The following CCDC61 variants were observed in gnomAD, a reference collection of about 807,000 sequenced individuals.
The protein encoded by CCDC61 is centrosomal protein CCDC61.
In CCDC61, 55 loss-of-function variants were observed where a neutral mutation model predicts 63.0. The observed-to-expected ratio is 0.87, with a 90% CI of 0.70 to 1.09. CCDC61 has a LOEUF of 1.09. Among genes scored for constraint, CCDC61 ranks in the 50% least tolerant of loss-of-function variants. The pLI is 0.00. For missense variants in CCDC61, 651 were observed against 731.4 expected, an observed-to-expected ratio of 0.89 and a Z score of 1.27; for synonymous variants, 270 against 317.0, an observed-to-expected ratio of 0.85 and a Z score of 1.58.
At chr19:46,009,855 GTC>G (rs1968793354) in intron 5 of CCDC61, among the ~76,000 whole-genome samples, 1 of 150,238 alleles carries the variant, frequency 6.7e-6, no homozygotes, top group Non-Finnish European at 1.5e-5. Flanking sequence ...CGTTTGCTCT[GTC>G]TCAGGCTGTG....
In CCDC61 at chr19:46,016,619, C is replaced by T. The variant is rs1377454749; in HGVS notation, c.1092-75C>T. ...CAGGCTTTCGCTGGCGTGGCTGTGACCTTTAGGGGCGCAGTGACCCCCTTG... is the reference window on the plus strand; with the variant it reads ...CAGGCTTTCGCTGGCGTGGCTGTGATCTTTAGGGGCGCAGTGACCCCCTTG... On this transcript the variant is annotated intron_variant, in intron 9 of 13. Coordinates refer to ENST00000595358, the MANE Select transcript of CCDC61 (RefSeq NM_001267723.2). This position sits in a 1 kb window ranked among gnomAD's most constrained non-coding sequence, Gnocchi z 7.2. 1.3e-6 allele frequency: 2 copies of T among 1,579,914 alleles called. No individual in the cohort carries two copies. Among genetic ancestry groups the T allele is most frequent in the African/African-American group, 1.3e-5 (1 of 74,208 alleles).
chr19:46,004,842 T>C (rs980497233), intron 3 of CCDC61, among the ~76,000 whole-genome samples: 3 of 141,596 alleles, frequency 2.1e-5, no homozygotes, highest in Non-Finnish European at 4.6e-5. Context: ...TATCTTTTTT[T>C]TTTTTTTTTT....
chr19:46,004,352 T>TG (rs1396401173), intron 3 of CCDC61, among the ~76,000 whole-genome samples: 1 of 152,212 alleles, frequency 6.6e-6, no homozygotes, highest in Non-Finnish European at 1.5e-5. Context: ...TCAGTCATTG[T>TG]GGGGGACACT....
chr19:46,018,188 G>A lies in CCDC61; in HGVS notation c.1441+38G>A. The A allele has an allele frequency of 6.3e-7, 1 of 1,575,408 alleles. No individual in the cohort carries two copies. The highest frequency in any genetic ancestry group is 8.6e-7 in the Non-Finnish European group (1 of 1,159,848). ...CTCCACATCCCCTCTCCCAGCCCCA[G>A]GACCCGTTGGAATGGTAGTGCGGGC... On this transcript the variant is annotated intron_variant, in intron 13 of 13. Coordinates refer to ENST00000595358, the MANE Select transcript of CCDC61 (RefSeq NM_001267723.2). The surrounding 1 kb of genome is among the most constrained non-coding windows in gnomAD (Gnocchi z 4.2).
At chr19:45,999,111 C>T (rs777963081) in intron 1 of CCDC61, among the ~76,000 whole-genome samples, 2 of 152,096 alleles carry the variant, frequency 1.3e-5, no homozygotes, top group African/African-American at 2.4e-5. Flanking sequence ...TAGGGTGAGT[C>T]ATTCATTGGG....
chr19:46,016,662 T>C lies in CCDC61; in HGVS notation c.1092-32T>C, dbSNP rs1193781550. ...CCCCCTTGCCTGCAGGAGTTGGGCG[T>C]ACAGACCGGCGTCTCCTTTCTTTTT... On this transcript the variant is annotated intron_variant, in intron 9 of 13. Transcript: ENST00000595358. This position sits in a 1 kb window ranked among gnomAD's most constrained non-coding sequence, Gnocchi z 7.2. The C allele has an allele frequency of 6.2e-7, 1 of 1,609,884 alleles. No individual in the cohort carries two copies. Among genetic ancestry groups the C allele is most frequent in the Non-Finnish European group, 8.5e-7 (1 of 1,178,512 alleles).
intron 5 of CCDC61, 102 bp from the exon 6 acceptor site, chr19:46,014,947 C>A: frequency 2.9e-6 from 3 of 1,024,692 alleles, no homozygotes; most frequent in South Asian, 1.5e-5. Context: ...GAGCCGTGTA[C>A]CCCCTTCCGG....
chr19:45,996,314 C>T (rs1762846613), intron 1 of CCDC61: 1 of 152,278 alleles, frequency 6.6e-6, no homozygotes, highest in Non-Finnish European at 1.5e-5. Context: ...GTTCATCTGA[C>T]ATTCAGACAT....
rs765765329 is a variant in CCDC61, at chr19:46,018,227, G to A, written c.1442-63G>A. 2.6e-6 allele frequency: 4 copies of A among 1,542,794 alleles called. No homozygotes were observed. The South Asian group carries it at 3.6e-5, about 14-fold the overall frequency. ...GGTAGTGCGGGCAGTGGTATATTGG[G>A]CCCAGGAACTCCCTGGGGCTTCAGG... is the stretch of plus-strand genomic sequence containing the variant. On this transcript the variant is annotated intron_variant, in intron 13 of 13. Transcript: ENST00000595358. The surrounding 1 kb of genome is among the most constrained non-coding windows in gnomAD (Gnocchi z 4.2).
At position 46,016,509 on chromosome 19, in the gene CCDC61, C is replaced by T; in HGVS notation, c.1091+116C>T. The T allele has an allele frequency of 2.1e-6, 3 of 1,399,940 alleles. No homozygotes were observed. Among genetic ancestry groups the T allele is most frequent in the South Asian group, 1.3e-5 (1 of 79,424 alleles). 86.7% of individuals were successfully genotyped at this position (1,399,940 alleles called of 1,614,324 possible). On this transcript the variant is annotated intron_variant, in intron 9 of 13. Transcript: ENST00000595358. This position sits in a 1 kb window ranked among gnomAD's most constrained non-coding sequence, Gnocchi z 7.2. The stretch of plus-strand genomic sequence containing the variant: ...CCCCTGCCACCTGCTCGCTTCTCGC[C>T]GGATACCCCGCCTGCTCTCCCTTCC...
chr19:46,006,208 A>T (rs996398788), intron 3 of CCDC61, among the ~76,000 whole-genome samples: 1 of 152,214 alleles, frequency 6.6e-6, no homozygotes, highest in African/African-American at 2.4e-5. Flanking sequence ...GCACATGTCA[A>T]CACAGTGAAA....
chr19:45,995,534 G>T (rs769914660), intron 1 of CCDC61, 30 bp downstream of exon 1: 4 of 502,278 alleles, frequency 8.0e-6, no homozygotes, highest in Non-Finnish European at 1.6e-5. Context: ...GCGGTTGCGC[G>T]GGCCGTGGTG....
chr19:46,015,348 G>C lies in CCDC61; in HGVS notation c.766G>C (p.Glu256Gln), dbSNP rs1188008067. The stretch of plus-strand genomic sequence containing the variant: ...CGCCCCTCTCCCCTCCCGGCAGCTC[G>C]AGGAGGCGAAGGCATCGGAGCGGAG... ...QDCRRLAKEL[E>Q]EAKASERSLR... is the part of the protein sequence containing the mutation. The change falls in exon 7 of 14, where the codon GAG becomes CAG. Residue 256 changes from glutamate (E) to glutamine (Q), a missense_variant. Transcript: ENST00000595358. This position sits in a 1 kb window ranked among gnomAD's most constrained non-coding sequence, Gnocchi z 5.3. 9.4e-6 allele frequency: 15 copies of C among 1,600,776 alleles called. No individual in the cohort carries two copies. The highest frequency in any genetic ancestry group is 1.3e-5 in the African/African-American group (1 of 74,750).
chr19:46,013,585 A>G (rs1226966568), intron 5 of CCDC61, among the ~76,000 whole-genome samples: 2 of 152,076 alleles, frequency 1.3e-5, no homozygotes, highest in Non-Finnish European at 2.9e-5. Flanking sequence ...TAACATTTCC[A>G]GGGCCGGGTG....
At chr19:46,010,906 G>A (rs577233484) in intron 5 of CCDC61, among the ~76,000 whole-genome samples, 1 of 152,194 alleles carries the variant, frequency 6.6e-6, no homozygotes, top group Admixed American at 6.5e-5. Flanking sequence ...AAAATTCCAG[G>A]ATGTCATCTG....
intron 1 of CCDC61, 90 bp downstream of exon 1, chr19:45,995,594 C>A (rs2146445751): frequency 7.5e-6 from 3 of 399,452 alleles, no homozygotes; most frequent in South Asian, 5.3e-5. Context: ...GAGTGGGCTG[C>A]GGTGGGCAGC....
Position 46,015,935 on chromosome 19 carries a change from C to A in CCDC61, c.846-119C>A. ...CGAGAGGGTCATGGGCCCAGGAGTG[C>A]ACGTCTAGGAGTTGATGGGGTAGGC... is the stretch of plus-strand genomic sequence containing the variant. On this transcript the variant is annotated intron_variant, in intron 7 of 13. Coordinates refer to ENST00000595358, the MANE Select transcript of CCDC61 (RefSeq NM_001267723.2). This position sits in a 1 kb window ranked among gnomAD's most constrained non-coding sequence, Gnocchi z 5.3. 1 of 863,782 alleles carries A rather than the reference C, an allele frequency of 1.2e-6. No homozygotes were observed. The highest frequency in any genetic ancestry group is 1.5e-6 in the Non-Finnish European group (1 of 654,292). The allele number at this position is 863,782 out of a possible 1,614,324, so 53.5% of individuals were successfully genotyped here. A position where few individuals can be genotyped will look rare whatever the true frequency, so the allele number is the denominator to read the frequency against.
chr19:46,012,794 G>C (rs539869633), intron 5 of CCDC61, among the ~76,000 whole-genome samples: 1 of 150,504 alleles, frequency 6.6e-6, no homozygotes, highest in African/African-American at 2.4e-5. Context: ...TTTGCCAGCT[G>C]AACTATGCAT....
At chr19:45,998,900 C>G (rs142224853) in intron 1 of CCDC61, among the ~76,000 whole-genome samples, 2 of 152,290 alleles carry the variant, frequency 1.3e-5, no homozygotes, top group Non-Finnish European at 2.9e-5. Flanking sequence ...AAGTACCCAG[C>G]CTGCAGCATG....
Sources: gnomAD v4.1 joint callset for allele counts (sites outside exome capture counted in the v4.1 genomes callset) on GRCh38, gnomAD v4.1.1 for gene constraint, Gnocchi (gnomAD v3.1) non-coding constraint, MANE v1.5 for transcripts, NCBI Gene and HGNC (gene_info 2026-07-23, HGNC 2026-07-21) for gene names.